PRELID2: variants seen among roughly 807,000 people sequenced by gnomAD.
The protein encoded by PRELID2 is PRELI domain-containing protein 2.
In PRELID2, 25 loss-of-function variants were observed where a neutral mutation model predicts 28.4. That is an observed-to-expected ratio of 0.88 (90% CI 0.64 to 1.23). The LOEUF (loss-of-function observed/expected upper bound fraction) is 1.23, where lower values mean the gene tolerates loss of function less well. Among genes scored for constraint, PRELID2 ranks in the 50% most tolerant of loss-of-function variants. The probability of loss-of-function intolerance (pLI) is 0.00; values close to 1 mark genes in which losing one functional copy is unlikely to be tolerated. For synonymous variants in PRELID2, 76 were observed against 71.6 expected (o/e 1.06, Z -0.31); for missense variants, 201 against 214.4 (o/e 0.94, Z 0.39).
the PRELID2 span, among the ~76,000 whole-genome samples, chr5:145,334,732 G>A: frequency 6.7e-6 from 1 of 149,834 alleles, no homozygotes; most frequent in Admixed American, 6.7e-5. Flanking sequence ...CTCCATTTCT[G>A]AAGAACAGCT....
At chr5:145,337,595 T>C in the PRELID2 span, among the ~76,000 whole-genome samples, 2 of 150,816 alleles carry the variant, frequency 1.3e-5, no homozygotes, top group East Asian at 1.9e-4. Context: ...GAGTGGCTCA[T>C]AGAACTCAGG....
intron 1 of PRELID2, among the ~76,000 whole-genome samples, chr5:145,586,125 A>C (rs1753152493): frequency 6.6e-6 from 1 of 152,072 alleles, no homozygotes; most frequent in South Asian, 2.1e-4. Flanking sequence ...CATATTGAAA[A>C]AATGCAGGGG....
the PRELID2 span, chr5:145,229,058 G>C: frequency 6.3e-7 from 1 of 1,589,324 alleles, no homozygotes; most frequent in East Asian, 2.2e-5. Flanking sequence ...CCAGCGCACT[G>C]TATGAGGACC....
chr5:145,371,299 G>C, the PRELID2 span, among the ~76,000 whole-genome samples: 1 of 151,948 alleles, frequency 6.6e-6, no homozygotes, highest in Non-Finnish European at 1.5e-5. Context: ...TTAATACCTA[G>C]TTTATTGAGA....
At chr5:145,730,277 C>T (rs1295651068) in intron 1 of PRELID2, among the ~76,000 whole-genome samples, 2 of 152,106 alleles carry the variant, frequency 1.3e-5, no homozygotes, top group Non-Finnish European at 2.9e-5. Context: ...AGCTTTTCTC[C>T]CAACACACTG....
the PRELID2 span, among the ~76,000 whole-genome samples, chr5:145,333,670 G>A: frequency 1.8e-4 from 27 of 152,160 alleles, no homozygotes; most frequent in East Asian, 1.9e-4. Flanking sequence ...TGCTGGCAGC[G>A]AGAATTTCAA....
rs75049159 is a variant in PRELID2, at chr5:145,573,114, T to C, written n.71-99799A>G. Reference sequence around the variant, plus strand: ...CAAGGAAAGTTCACATATTCTTTCATACCAAATAATGAGAATAGGGGCTGC... The same window carrying C: ...CAAGGAAAGTTCACATATTCTTTCACACCAAATAATGAGAATAGGGGCTGC... On this transcript the variant is annotated intron_variant and non_coding_transcript_variant, in intron 1 of 2. Transcript: ENST00000510259. 5.1e-3 allele frequency among the ~76,000 whole-genome samples: 781 copies of C among 152,262 alleles called. 8 individuals are homozygous for C. Among genetic ancestry groups the C allele is most frequent in the African/African-American group, 0.018 (743 of 41,546 alleles).
intron 4 of PRELID2, among the ~76,000 whole-genome samples, chr5:145,803,104 A>G (rs1753250190): frequency 6.6e-6 from 1 of 152,106 alleles, no homozygotes; most frequent in Admixed American, 6.5e-5. Context: ...CTCAGTTCTA[A>G]TCATGTTTTT....
the PRELID2 span, among the ~76,000 whole-genome samples, chr5:145,459,971 CA>C: frequency 1.3e-5 from 2 of 151,980 alleles, no homozygotes; most frequent in Non-Finnish European, 2.9e-5. Flanking sequence ...CCACCACTCC[CA>C]GCTAATTTTT....
Position 145,495,939 on chromosome 5 carries a change from A to G in PRELID2, n.71-22624T>C, listed in dbSNP as rs891653821. 2.6e-5 allele frequency among the ~76,000 whole-genome samples: 4 copies of G among 152,254 alleles called. No individual in the cohort carries two copies. In the East Asian group the frequency reaches 7.7e-4, roughly 29 times the overall value. The stretch of plus-strand genomic sequence containing the variant: ...TAGCTCAGAGTGTGAGTCACCGGAG[A>G]ATGAGTCAGGTGTTCCATTACCATG... On this transcript the variant is annotated intron_variant and non_coding_transcript_variant, in intron 1 of 2. Transcript: ENST00000510259.
At chr5:145,655,503 T>C (rs573375000) in intron 1 of PRELID2, among the ~76,000 whole-genome samples, 8 of 152,132 alleles carry the variant, frequency 5.3e-5, no homozygotes, top group Non-Finnish European at 8.8e-5. Context: ...CAAACTATAC[T>C]ACAAGGCTAC....
the PRELID2 span, among the ~76,000 whole-genome samples, chr5:145,414,862 A>G: frequency 2.0e-5 from 3 of 152,188 alleles, no homozygotes; most frequent in Admixed American, 2.0e-4. Flanking sequence ...ATATGTCCAC[A>G]TGGGAGGATT....
At chr5:145,520,118 T>C (rs943795707) in intron 1 of PRELID2, among the ~76,000 whole-genome samples, 1 of 152,146 alleles carries the variant, frequency 6.6e-6, no homozygotes, top group Non-Finnish European at 1.5e-5. Context: ...TTCTTTGGGG[T>C]ACAAAAAAAT....
chr5:145,283,169 C>T, the PRELID2 span, among the ~76,000 whole-genome samples: 1 of 152,162 alleles, frequency 6.6e-6, no homozygotes, highest in Non-Finnish European at 1.5e-5. Context: ...AAACCCTCTC[C>T]AGACAGAGCA....
chr5:145,553,583 A>T (rs2126683764), intron 1 of PRELID2, among the ~76,000 whole-genome samples: 1 of 152,320 alleles, frequency 6.6e-6, no homozygotes, highest in Non-Finnish European at 1.5e-5. Flanking sequence ...TCACTCAAAA[A>T]ATGCTATTAC....
chr5:145,613,317 T>C (rs1433294233), intron 1 of PRELID2, among the ~76,000 whole-genome samples: 1 of 152,110 alleles, frequency 6.6e-6, no homozygotes, highest in Non-Finnish European at 1.5e-5. Flanking sequence ...TATTATACTT[T>C]AAGTTCTAGG....
At chr5:145,415,931 C>T in the PRELID2 span, among the ~76,000 whole-genome samples, 1 of 152,106 alleles carries the variant, frequency 6.6e-6, no homozygotes, top group Non-Finnish European at 1.5e-5. Context: ...TCCACTTCCT[C>T]TCCAGCATCT....
At chr5:145,605,355 T>C (rs771403816) in intron 1 of PRELID2, among the ~76,000 whole-genome samples, 2 of 152,082 alleles carry the variant, frequency 1.3e-5, no homozygotes, top group Non-Finnish European at 2.9e-5. Flanking sequence ...TTGTATACGG[T>C]GTAAGGAAGG....
intron 1 of PRELID2, among the ~76,000 whole-genome samples, chr5:145,740,592 AATATATATATATTATATATATAAAT>A (rs1369251516): frequency 0.14 from 438 of 3,048 alleles, 13 homozygotes; most frequent in African/African-American, 0.28. Flanking sequence ...TATATATATA[AATATATATATATTATATATATAAAT>A]ATATATATAT....
Sources: allele counts gnomAD v4.1 joint callset (sites outside exome capture counted in the v4.1 genomes callset), GRCh38; gene constraint gnomAD v4.1.1; transcripts MANE v1.5; gene names NCBI Gene and HGNC (gene_info 2026-07-23, HGNC 2026-07-21).